Variants in THEMIS observed in about 807,000 individuals in gnomAD.
THEMIS encodes thymocyte selection associated.
In THEMIS, 37 loss-of-function variants were observed where a neutral mutation model predicts 52.6. The observed-to-expected ratio is 0.70, with a 90% CI of 0.54 to 0.93. The LOEUF (loss-of-function observed/expected upper bound fraction) is 0.93. Among genes scored for constraint, THEMIS ranks in the 40% least tolerant of loss-of-function variants. THEMIS has a pLI of 0.00. For missense variants in THEMIS, 808 were observed against 763.1 expected, an observed-to-expected ratio of 1.06 and a Z score of -0.69; for synonymous variants, 292 against 272.7, an observed-to-expected ratio of 1.07 and a Z score of -0.70.
chr6:127,769,543 G>A (rs10872324), intron 4 of THEMIS, among the ~76,000 whole-genome samples: 23,110 of 151,792 alleles, frequency 0.15, 1,970 homozygotes, highest in African/African-American at 0.23. Flanking sequence ...TGTTCTCTAC[G>A]GCCAGTCATG....
chr6:127,877,655 G>T (rs761171253), intron 1 of THEMIS, among the ~76,000 whole-genome samples: 1 of 152,082 alleles, frequency 6.6e-6, no homozygotes, highest in Non-Finnish European at 1.5e-5. Flanking sequence ...TGTTCGTGGT[G>T]CCCCAAAACA....
At chr6:127,912,870 C>G (rs1781442529) in intron 1 of THEMIS, among the ~76,000 whole-genome samples, 1 of 152,114 alleles carries the variant, frequency 6.6e-6, no homozygotes, top group East Asian at 1.9e-4. Flanking sequence ...GTTTGTTTTG[C>G]CTTACAAAGT....
chr6:127,700,918 C>T, the THEMIS span, among the ~76,000 whole-genome samples: 10 of 152,114 alleles, frequency 6.6e-5, no homozygotes, highest in African/African-American at 1.4e-4. Flanking sequence ...ACTTTAAGTC[C>T]GTTAGGCTCT....
At chr6:127,744,288 A>T (rs1775308390) in intron 4 of THEMIS, among the ~76,000 whole-genome samples, 1 of 152,012 alleles carries the variant, frequency 6.6e-6, no homozygotes, top group Admixed American at 6.6e-5. Context: ...TAATATCCTT[A>T]TGTTACCCCC....
intron 1 of THEMIS, among the ~76,000 whole-genome samples, chr6:127,861,783 C>CAAAAAAAAAAAAAAAAAAAAAAAAAAAA (rs1225783673): frequency 1.1e-4 from 11 of 95,692 alleles, no homozygotes; most frequent in African/African-American, 1.5e-4. Context: ...GACTCCATCT[C>CAAAAAAAAAAAAAAAAAAAAAAAAAAAA]AAAAAAAAAA....
At chr6:127,700,074 T>A in the THEMIS span, among the ~76,000 whole-genome samples, 1 of 151,840 alleles carries the variant, frequency 6.6e-6, no homozygotes, top group African/African-American at 2.4e-5. Flanking sequence ...AACTTGTATT[T>A]AATATTTATA....
At chr6:127,715,642 C>T (rs1037578122) in intron 5 of THEMIS, among the ~76,000 whole-genome samples, 2 of 151,842 alleles carry the variant, frequency 1.3e-5, no homozygotes, top group Non-Finnish European at 2.9e-5. Context: ...CAGAATAATT[C>T]TTTATTCTCT....
upstream of THEMIS, among the ~76,000 whole-genome samples, chr6:127,905,981 G>GTAATTAAATGAAATAATTTAAATT (rs1781260182): frequency 1.4e-5 from 2 of 145,500 alleles, no homozygotes; most frequent in African/African-American, 2.7e-5. Flanking sequence ...TAATTTAAAT[G>GTAATTAAATGAAATAATTTAAATT]TAATTAAATG....
chr6:127,833,488 C>A (rs1351382470), intron 2 of THEMIS, among the ~76,000 whole-genome samples: 1 of 152,164 alleles, frequency 6.6e-6, no homozygotes, highest in Non-Finnish European at 1.5e-5. Flanking sequence ...GAATCTCAAT[C>A]TGAGCTTTGA....
At chr6:127,818,346 A>G (rs927741881) in intron 3 of THEMIS, among the ~76,000 whole-genome samples, 4 of 152,172 alleles carry the variant, frequency 2.6e-5, no homozygotes, top group Admixed American at 1.3e-4. Flanking sequence ...CTCCTGTATA[A>G]TAACAGGAAA....
chr6:127,733,349 G>T (rs1259380140), intron 4 of THEMIS, among the ~76,000 whole-genome samples: 10 of 152,124 alleles, frequency 6.6e-5, no homozygotes, highest in African/African-American at 2.4e-4. Context: ...TCCGCAGGTT[G>T]TTTTCAGTAA....
chr6:127,861,553 G>A lies in THEMIS; in HGVS notation c.92-6365C>T, dbSNP rs368586494. 2.3e-4 allele frequency among the ~76,000 whole-genome samples: 35 copies of A among 152,166 alleles called. No individual in the cohort carries two copies. The East Asian group carries it at 5.6e-3, about 24-fold the overall frequency. ...AAGCCCAGCACTTTGGGAGGCCAAGGTGGGTGGATCACCTGAGTTTAGGAG... is the reference window on the plus strand; with the variant it reads ...AAGCCCAGCACTTTGGGAGGCCAAGATGGGTGGATCACCTGAGTTTAGGAG... On this transcript the variant is annotated intron_variant, in intron 1 of 5. Coordinates refer to ENST00000368248, the MANE Select transcript of THEMIS (RefSeq NM_001010923.3).
intron 2 of THEMIS, among the ~76,000 whole-genome samples, chr6:127,830,159 A>C (rs139633460): frequency 0.014 from 2,177 of 152,298 alleles, 175 homozygotes; most frequent in Admixed American, 0.11. Flanking sequence ...AAATGGAGAC[A>C]AGGGGAAAAT....
At position 127,769,393 on chromosome 6, in the gene THEMIS, TAA is replaced by T. The variant is rs1776304250; in HGVS notation, c.1758+43488_1758+43489del. 2.0e-5 allele frequency among the ~76,000 whole-genome samples: 3 copies of T among 151,710 alleles called. No homozygotes were observed. In the South Asian group the frequency reaches 6.2e-4, roughly 32 times the overall value. On this transcript the variant is annotated intron_variant, in intron 4 of 5. Transcript: ENST00000368248. Reference sequence around the variant, plus strand: ...TTTAGTATCTTGCTTGGCAGTGCATTAAGTGTTGTCCTACAATATGTTCTTTG... The same window carrying T: ...TTTAGTATCTTGCTTGGCAGTGCATTGTGTTGTCCTACAATATGTTCTTTG...
chr6:127,860,172 G>A lies in THEMIS; in HGVS notation c.92-4984C>T, dbSNP rs143296484. Among the ~76,000 whole-genome samples the A allele has an allele frequency of 1.5e-4, 23 of 152,250 alleles. 1 individual carries two copies. In the East Asian group the frequency reaches 3.9e-3, roughly 26 times the overall value. On this transcript the variant is annotated intron_variant, in intron 1 of 5. Transcript: ENST00000368248. ...CCAGTCTTCCACAAAGAGATGGTCTGCATTTCCTGTAAGGCAGAGACAATG... is the reference window on the plus strand; with the variant it reads ...CCAGTCTTCCACAAAGAGATGGTCTACATTTCCTGTAAGGCAGAGACAATG...
intron 2 of THEMIS, among the ~76,000 whole-genome samples, chr6:127,847,899 A>G (rs534668304): frequency 6.7e-6 from 1 of 148,694 alleles, no homozygotes; most frequent in South Asian, 2.1e-4. Context: ...AATTATTATT[A>G]TTATTATTAT....
At chr6:127,776,528 T>C (rs1282799767) in intron 4 of THEMIS, among the ~76,000 whole-genome samples, 1 of 152,188 alleles carries the variant, frequency 6.6e-6, no homozygotes, top group East Asian at 1.9e-4. Context: ...ACTTTGAAAG[T>C]AGAACCCCTC....
At chr6:127,700,944 C>T in the THEMIS span, among the ~76,000 whole-genome samples, 8 of 152,172 alleles carry the variant, frequency 5.3e-5, no homozygotes, top group African/African-American at 1.9e-4. Context: ...CCAATCTCTC[C>T]TCAAACTTTA....
chr6:127,827,657 A>C (rs889557592), intron 3 of THEMIS, among the ~76,000 whole-genome samples: 5 of 152,168 alleles, frequency 3.3e-5, no homozygotes, highest in Admixed American at 6.5e-5. Context: ...GAGGCTGGGA[A>C]CAAGTTTGGC....
Sources: allele counts gnomAD v4.1 joint callset (sites outside exome capture counted in the v4.1 genomes callset), GRCh38; gene constraint gnomAD v4.1.1; transcripts MANE v1.5; gene names NCBI Gene and HGNC (gene_info 2026-07-23, HGNC 2026-07-21).